Variants in SGK1 observed in about 807,000 individuals in gnomAD.
SGK1 encodes serum/glucocorticoid regulated kinase 1, also known as serine/threonine-protein kinase Sgk1.
A neutral mutation model predicts 64.2 loss-of-function variants in SGK1; 26 were observed. That is an observed-to-expected ratio of 0.40 (90% CI 0.30 to 0.56). SGK1 has a LOEUF of 0.56. SGK1 is among the 20% of genes least tolerant of loss of function. The pLI is 0.38. For synonymous variants in SGK1, 265 were observed against 239.7 expected, an observed-to-expected ratio of 1.11 and a Z score of -0.98; for missense variants, 519 against 645.6, an observed-to-expected ratio of 0.80 and a Z score of 2.12.
intron 1 of SGK1, among the ~76,000 whole-genome samples, chr6:134,307,933 T>C (rs976818051): frequency 7.9e-5 from 12 of 152,226 alleles, no homozygotes; most frequent in Non-Finnish European, 1.3e-4. Context: ...ATTGAGCGTC[T>C]ACTACACACC....
chr6:134,231,331 C>A (rs915295504), intron 2 of SGK1, among the ~76,000 whole-genome samples: 2 of 152,164 alleles, frequency 1.3e-5, no homozygotes, highest in Admixed American at 6.6e-5. Context: ...ACATATATTT[C>A]TTTCTCCACC....
At chr6:134,211,868 G>A (rs553478845) in intron 2 of SGK1, among the ~76,000 whole-genome samples, 1 of 113,334 alleles carries the variant, frequency 8.8e-6, no homozygotes, top group African/African-American at 3.7e-5. Flanking sequence ...GCGAGATTCC[G>A]TCTACAAGGA....
At chr6:134,233,093 T>A (rs897911458) in intron 2 of SGK1, among the ~76,000 whole-genome samples, 9 of 151,946 alleles carry the variant, frequency 5.9e-5, no homozygotes, top group African/African-American at 2.2e-4. Context: ...TACTTTAGTA[T>A]AAAAAGAATA....
At chr6:134,308,709 A>G (rs1777569815) in intron 1 of SGK1, among the ~76,000 whole-genome samples, 1 of 152,032 alleles carries the variant, frequency 6.6e-6, no homozygotes, top group Non-Finnish European at 1.5e-5. Flanking sequence ...GGTGCACGCC[A>G]CCACACCCTG....
chr6:134,206,947 C>T (rs570159646), intron 3 of SGK1, among the ~76,000 whole-genome samples: 112 of 150,384 alleles, frequency 7.4e-4, no homozygotes, highest in African/African-American at 2.4e-3. Context: ...TAAACAAGGC[C>T]GGGCGCGGTG....
intron 2 of SGK1, chr6:134,260,973 T>A (rs891516893): frequency 6.6e-6 from 1 of 152,204 alleles, no homozygotes; most frequent in Non-Finnish European, 1.5e-5. Flanking sequence ...AAAAATAATA[T>A]AAGCATTTTA....
chr6:134,303,171 A>T (rs1468766815), intron 1 of SGK1, among the ~76,000 whole-genome samples: 4 of 152,046 alleles, frequency 2.6e-5, no homozygotes, highest in Non-Finnish European at 5.9e-5. Flanking sequence ...AGGTGGGCGG[A>T]TCACGAGGTC....
chr6:134,210,811 C>CAA (rs60820086), intron 2 of SGK1, among the ~76,000 whole-genome samples: 100 of 50,406 alleles, frequency 2.0e-3, no homozygotes, highest in African/African-American at 3.9e-3. Context: ...GACTCCGTCT[C>CAA]AAAAAAAAAA....
chr6:134,263,030 C>T (rs1186194917), intron 1 of SGK1, among the ~76,000 whole-genome samples: 1 of 151,904 alleles, frequency 6.6e-6, no homozygotes, highest in Non-Finnish European at 1.5e-5. Flanking sequence ...AAAATGCTAC[C>T]ATGTTTTACA....
chr6:134,184,740 G>A (rs901542025), intron 3 of SGK1, among the ~76,000 whole-genome samples: 2 of 152,144 alleles, frequency 1.3e-5, no homozygotes, highest in Admixed American at 6.5e-5. Flanking sequence ...CTGGAGTGCA[G>A]GGCTGTAATC....
intron 2 of SGK1, among the ~76,000 whole-genome samples, chr6:134,211,998 G>A (rs1298900922): frequency 6.6e-6 from 1 of 151,980 alleles, no homozygotes; most frequent in African/African-American, 2.4e-5. Context: ...GCTCTTCACA[G>A]GTTGAATTGA....
At chr6:134,218,411 AC>A (rs1363431355) in intron 2 of SGK1, among the ~76,000 whole-genome samples, 1 of 147,280 alleles carries the variant, frequency 6.8e-6, no homozygotes, top group African/African-American at 2.4e-5. Context: ...CCCTCATGGA[AC>A]TTGTTTTCTT....
intron 2 of SGK1, among the ~76,000 whole-genome samples, chr6:134,218,162 G>A (rs548735152): frequency 6.6e-6 from 1 of 152,142 alleles, no homozygotes; most frequent in East Asian, 1.9e-4. Flanking sequence ...TGAGACAATC[G>A]AGGTCCAGAG....
chr6:134,204,497 G>A (rs769575094), intron 3 of SGK1, among the ~76,000 whole-genome samples: 1 of 145,134 alleles, frequency 6.9e-6, no homozygotes, highest in Non-Finnish European at 1.5e-5. Flanking sequence ...AAAAGAGTAA[G>A]TCTGAAATAT....
At chr6:134,235,037 G>C (rs1776341435) in intron 2 of SGK1, among the ~76,000 whole-genome samples, 1 of 152,198 alleles carries the variant, frequency 6.6e-6, no homozygotes, top group Non-Finnish European at 1.5e-5. Flanking sequence ...AATGACAATT[G>C]AAGAAGACAG....
intron 1 of SGK1, among the ~76,000 whole-genome samples, chr6:134,290,150 C>CAAA (rs35039086): frequency 7.9e-5 from 6 of 75,916 alleles, no homozygotes; most frequent in South Asian, 4.8e-4. Flanking sequence ...AGCTCCTTCT[C>CAAA]AAAAAAAAAA....
At chr6:134,230,549 C>T (rs940090993) in intron 2 of SGK1, 4 of 147,622 alleles carry the variant, frequency 2.7e-5, no homozygotes, top group Non-Finnish European at 6.0e-5. Flanking sequence ...GGTGAGAATT[C>T]ACTCACTATC....
intron 3 of SGK1, among the ~76,000 whole-genome samples, chr6:134,205,367 G>C (rs954737139): frequency 5.3e-4 from 80 of 151,300 alleles, no homozygotes; most frequent in Non-Finnish European, 2.5e-4. Flanking sequence ...AATAAAACAA[G>C]ACAGAAAACA....
intron 2 of SGK1, among the ~76,000 whole-genome samples, chr6:134,225,827 C>A (rs1267849108): frequency 6.6e-6 from 1 of 151,884 alleles, no homozygotes; most frequent in Non-Finnish European, 1.5e-5. Flanking sequence ...AATCCCAGTA[C>A]TTTGGGAGGC....
Sources: allele counts gnomAD v4.1 joint callset (sites outside exome capture counted in the v4.1 genomes callset), GRCh38; gene constraint gnomAD v4.1.1; transcripts MANE v1.5; gene names NCBI Gene and HGNC (gene_info 2026-07-23, HGNC 2026-07-21).